DPP10: variants seen among roughly 807,000 people sequenced by gnomAD.
DPP10 encodes inactive dipeptidyl peptidase 10.
DPP10 carries 33 observed loss-of-function variants against 120.9 expected under a neutral mutation model. The observed-to-expected ratio is 0.27, with a 90% confidence interval of 0.21 to 0.37. DPP10 has a LOEUF of 0.37. Among genes scored for constraint, DPP10 ranks in the 10% least tolerant of loss-of-function variants. The probability of loss-of-function intolerance (pLI) is 1.00; values close to 1 mark genes in which losing one functional copy is unlikely to be tolerated. For missense variants in DPP10, 816 were observed against 942.8 expected (o/e 0.87, Z 1.76); for synonymous variants, 337 against 326.1 (o/e 1.03, Z -0.36).
intron 1 of DPP10, among the ~76,000 whole-genome samples, chr2:115,218,088 C>A (rs1011008915): frequency 3.3e-5 from 5 of 152,128 alleles, no homozygotes; most frequent in Non-Finnish European, 7.4e-5. Context: ...TAGTTCCTTA[C>A]TAGGATTCAG....
rs750759580 is a variant in DPP10, at chr2:115,605,224, TTA to T, written c.441+79257_441+79258del. On this transcript the variant is annotated intron_variant, in intron 5 of 25. Transcript: ENST00000410059. Reference sequence around the variant, plus strand: ...ATCAATTTTTGGGATGTCACAAGGGTTATATAATTTAATGCTGATAAGAAACA... The same window carrying T: ...ATCAATTTTTGGGATGTCACAAGGGTTATAATTTAATGCTGATAAGAAACA... Among the ~76,000 whole-genome samples, 47 of 152,200 alleles carry T rather than the reference TTA, an allele frequency of 3.1e-4. 2 individuals are homozygous for T. In the East Asian group the frequency reaches 4.6e-3, roughly 15 times the overall value.
intron 1 of DPP10, among the ~76,000 whole-genome samples, chr2:114,480,849 A>C (rs1680969391): frequency 6.6e-6 from 1 of 151,074 alleles, no homozygotes; most frequent in Non-Finnish European, 1.5e-5. Flanking sequence ...CTAGAACTTA[A>C]AGTATAATAA....
intron 1 of DPP10, among the ~76,000 whole-genome samples, chr2:115,107,569 CTAGCTAGGTAG>C (rs1232943869): frequency 6.6e-6 from 1 of 151,154 alleles, no homozygotes; most frequent in Non-Finnish European, 1.5e-5. Flanking sequence ...GATTAGCTAG[CTAGCTAGGTAG>C]GTAGGTAGAT....
intron 1 of DPP10, among the ~76,000 whole-genome samples, chr2:114,891,402 G>T (rs546572266): frequency 6.6e-6 from 1 of 152,264 alleles, no homozygotes; most frequent in East Asian, 1.9e-4. Context: ...AGCTCTCAGG[G>T]CTCTTAGGAG....
chr2:114,916,459 G>C (rs11886448), intron 1 of DPP10, among the ~76,000 whole-genome samples: 149,224 of 152,332 alleles, frequency 0.98, 73,151 homozygotes, highest in East Asian at 1. Flanking sequence ...GTATTACTCT[G>C]TAACTCATTC....
chr2:115,009,788 A>G lies in DPP10; in HGVS notation c.61-299451A>G, dbSNP rs113606138. On this transcript the variant is annotated intron_variant, in intron 1 of 25. Transcript: ENST00000410059. ...GTTAAAGTATAATTTTAAAAAAGTG[A>G]TGGATATCCCAAGTTACACTAATAT... 1.1e-3 allele frequency among the ~76,000 whole-genome samples: 164 copies of G among 152,222 alleles called. 1 individual carries two copies. Among genetic ancestry groups the G allele is most frequent in the African/African-American group, 3.7e-3 (153 of 41,536 alleles).
chr2:115,236,925 T>C (rs1226715020), intron 1 of DPP10, among the ~76,000 whole-genome samples: 1 of 152,162 alleles, frequency 6.6e-6, no homozygotes, highest in Non-Finnish European at 1.5e-5. Flanking sequence ...ATTTACGGCC[T>C]AGGTTCTGAA....
chr2:115,588,546 G>A (rs2082431526), intron 5 of DPP10, among the ~76,000 whole-genome samples: 1 of 152,160 alleles, frequency 6.6e-6, no homozygotes, highest in African/African-American at 2.4e-5. Context: ...CTCAAATACA[G>A]CAAGAGTCGC....
chr2:115,401,715 A>G (rs2068085862), intron 3 of DPP10, among the ~76,000 whole-genome samples: 1 of 152,176 alleles, frequency 6.6e-6, no homozygotes, highest in South Asian at 2.1e-4. Flanking sequence ...GCTAATTTTA[A>G]CACACATACA....
chr2:114,530,964 G>GA (rs754530665), intron 1 of DPP10, among the ~76,000 whole-genome samples: 32 of 149,282 alleles, frequency 2.1e-4, no homozygotes, highest in East Asian at 2.0e-3. Flanking sequence ...TCAATTAACA[G>GA]AAAAAAAAAC....
At chr2:115,380,468 C>G (rs1167750022) in intron 3 of DPP10, among the ~76,000 whole-genome samples, 1 of 152,120 alleles carries the variant, frequency 6.6e-6, no homozygotes, top group Non-Finnish European at 1.5e-5. Context: ...GATGGGTTTC[C>G]TGAATACAGC....
intron 1 of DPP10, among the ~76,000 whole-genome samples, chr2:114,459,095 AAAAATGTTAAGGAATGTATAACAC>A (rs1445754642): frequency 3.9e-5 from 6 of 152,224 alleles, no homozygotes; most frequent in Admixed American, 6.5e-5. Context: ...GTAAATTTCT[AAAAATGTTAAGGAATGTATAACAC>A]AAAACGAGCT....
intron 21 of DPP10, among the ~76,000 whole-genome samples, chr2:115,832,899 T>G (rs2150106854): frequency 6.6e-6 from 1 of 152,218 alleles, no homozygotes; most frequent in South Asian, 2.1e-4. Flanking sequence ...TATGCAGTAA[T>G]AACTTGTTGT....
Position 114,774,895 on chromosome 2 carries a change from C to T in DPP10, c.60+332057C>T, listed in dbSNP as rs137935620. Among the ~76,000 whole-genome samples, 322 of 151,888 alleles carry T rather than the reference C, an allele frequency of 2.1e-3. 3 individuals carry two copies. The highest frequency in any genetic ancestry group is 6.8e-3 in the African/African-American group (283 of 41,478). On this transcript the variant is annotated intron_variant, in intron 1 of 25. Transcript: ENST00000410059. Reference sequence around the variant, plus strand: ...CTTTATCTCTTTACTAATTATGGAACGAACCCTGTTTAAACTCTTCATACC... The same window carrying T: ...CTTTATCTCTTTACTAATTATGGAATGAACCCTGTTTAAACTCTTCATACC...
intron 2 of DPP10, among the ~76,000 whole-genome samples, chr2:115,329,830 C>G (rs2062600317): frequency 6.6e-6 from 1 of 152,120 alleles, no homozygotes; most frequent in East Asian, 1.9e-4. Context: ...TTAATCCAGT[C>G]TATCATTGAT....
At chr2:115,573,276 A>ATTTTTTT (rs34420249) in intron 5 of DPP10, among the ~76,000 whole-genome samples, 3 of 86,528 alleles carry the variant, frequency 3.5e-5, no homozygotes, top group East Asian at 3.3e-4. Context: ...GCTTCCTGGG[A>ATTTTTTT]TTTTTTTTTT....
intron 1 of DPP10, among the ~76,000 whole-genome samples, chr2:114,662,291 C>A (rs1357677085): frequency 6.6e-6 from 1 of 152,186 alleles, no homozygotes; most frequent in Admixed American, 6.5e-5. Context: ...GAACTCAGAG[C>A]GAAAGTCCAA....
At chr2:114,803,983 C>T (rs911488277) in intron 1 of DPP10, among the ~76,000 whole-genome samples, 2 of 152,180 alleles carry the variant, frequency 1.3e-5, no homozygotes, top group African/African-American at 4.8e-5. Context: ...CCCGGAGGCC[C>T]TGGAGGAAAA....
At chr2:115,739,168 A>G (rs752318554) in intron 8 of DPP10, among the ~76,000 whole-genome samples, 28 of 152,144 alleles carry the variant, frequency 1.8e-4, no homozygotes, top group Non-Finnish European at 2.9e-4. Flanking sequence ...ATCTCCTGCC[A>G]AAGGGAAGCC....
Sources: gnomAD v4.1 joint callset for allele counts (sites outside exome capture counted in the v4.1 genomes callset) on GRCh38, gnomAD v4.1.1 for gene constraint, MANE v1.5 for transcripts, NCBI Gene and HGNC (gene_info 2026-07-23, HGNC 2026-07-21) for gene names.